The following TXNRD3 variants were observed in gnomAD, a reference collection of about 807,000 sequenced individuals.
TXNRD3 encodes thioredoxin reductase 3.
Under a neutral mutation model 78.2 loss-of-function variants are expected in TXNRD3, and 68 were observed. The ratio of observed to expected loss-of-function variants is 0.87; its 90% confidence interval spans 0.72 to 1.06. The LOEUF is 1.06. TXNRD3 is among the 50% of genes least tolerant of loss of function. The pLI is 0.00. For missense variants in TXNRD3, 751 were observed against 809.5 expected, an observed-to-expected ratio of 0.93 and a Z score of 0.88; for synonymous variants, 296 against 300.1, an observed-to-expected ratio of 0.99 and a Z score of 0.14.
chr3:126,620,054 G>T (rs779894818), intron 12 of TXNRD3, among the ~76,000 whole-genome samples: 3 of 152,136 alleles, frequency 2.0e-5, no homozygotes, highest in Non-Finnish European at 4.4e-5. Context: ...CCAGCACTTT[G>T]GGAGGCTGAG....
chr3:126,627,481 G>A (rs993511416), intron 10 of TXNRD3, among the ~76,000 whole-genome samples: 2 of 152,158 alleles, frequency 1.3e-5, no homozygotes, highest in African/African-American at 2.4e-5. Context: ...TTACATGAAC[G>A]TGGACATCTG....
rs1933477618 is a variant in TXNRD3, at chr3:126,654,902, A to ACGC, written c.86_88dup (p.Arg29_Val30insGly). 1.7e-5 allele frequency: 22 copies of ACGC among 1,311,914 alleles called. No individual in the cohort carries two copies. The highest frequency in any genetic ancestry group is 2.1e-5 in the Non-Finnish European group (22 of 1,039,122). 81.3% of individuals were successfully genotyped at this position (1,311,914 alleles called of 1,614,324 possible). A position where few individuals can be genotyped will look rare whatever the true frequency, so the allele number is the denominator to read the frequency against. ...GGCACGGCGCCCCGGCGGCGACAAC[A>ACGC]CGCGCGCCCCTCGGACATGGCCCGA... On this transcript the variant is annotated inframe_insertion, in exon 1 of 16. Coordinates refer to ENST00000524230, the MANE Select transcript of TXNRD3 (RefSeq NM_052883.3).
At chr3:126,620,379 C>T (rs952016275) in intron 12 of TXNRD3, among the ~76,000 whole-genome samples, 9 of 151,100 alleles carry the variant, frequency 6.0e-5, no homozygotes, top group African/African-American at 2.2e-4. Context: ...TTTTGTTGAA[C>T]TTCTCAGATA....
rs1272391271 is a variant in TXNRD3 at position 126,644,345 on chromosome 3, A to G, written c.471T>C (p.Tyr157=). 2.0e-6 allele frequency: 3 copies of G among 1,536,544 alleles called. No homozygotes were observed. Among genetic ancestry groups the G allele is most frequent in the Middle Eastern group, 1.7e-4 (1 of 5,994 alleles). ...AACCACCACCGATGATGATGAGATC[A>G]TAATCATATGCCAAATCTTCCTGAA... Residue 157 remains tyrosine, a synonymous_variant, in exon 4 of 16, where the codon TAT becomes TAC. Coordinates refer to ENST00000524230, the MANE Select transcript of TXNRD3 (RefSeq NM_052883.3).
In TXNRD3 at chr3:126,616,266, G is replaced by A. The variant is rs534766373; in HGVS notation, c.1525-804C>T. Among the ~76,000 whole-genome samples the A allele has an allele frequency of 2.6e-5, 4 of 152,266 alleles. No homozygotes were observed. In the East Asian group the frequency reaches 7.7e-4, roughly 29 times the overall value. ...AGCTGTGTGTAGGTGGCAGAGAAAA[G>A]GTGGAAGGTGCCTGCTCAGCCACAG... On this transcript the variant is annotated intron_variant, in intron 12 of 15. Transcript: ENST00000524230.
chr3:126,654,187 T>C (rs1272179739), intron 1 of TXNRD3, among the ~76,000 whole-genome samples: 1 of 152,202 alleles, frequency 6.6e-6, no homozygotes, highest in Non-Finnish European at 1.5e-5. Context: ...ACTTCAAATA[T>C]ATTTGAAAAA....
At chr3:126,621,600 AT>A in intron 12 of TXNRD3, 141 bp downstream of exon 12, 1 of 763,120 alleles carries the variant, frequency 1.3e-6, no homozygotes, top group Non-Finnish European at 2.0e-6. Context: ...ATTTTAATCC[AT>A]TAGTAAATAG....
rs1352614390 is a variant in TXNRD3, at chr3:126,629,478, A to G, written c.1198-7T>C. On this transcript the variant is annotated splice_polypyrimidine_tract_variant and splice_region_variant and intron_variant, in intron 9 of 15. Transcript: ENST00000524230. ...CTTTCTCCAACTGTTGAACCTAGTAAGAATGAAGAGTGTAATGATGTTATC... is the reference window on the plus strand; with the variant it reads ...CTTTCTCCAACTGTTGAACCTAGTAGGAATGAAGAGTGTAATGATGTTATC... The G allele has an allele frequency of 9.2e-6, 14 of 1,528,914 alleles. No homozygotes were observed. In the South Asian group the frequency reaches 1.4e-4, roughly 16 times the overall value. 94.7% of individuals were successfully genotyped at this position (1,528,914 alleles called of 1,614,324 possible).
chr3:126,642,923 G>A (rs1933129802), intron 5 of TXNRD3, among the ~76,000 whole-genome samples: 3 of 152,222 alleles, frequency 2.0e-5, no homozygotes, highest in Admixed American at 6.5e-5. Context: ...TTGGGTAACT[G>A]AAGGATTAAC....
At chr3:126,648,718 G>A (rs567976294) in intron 1 of TXNRD3, among the ~76,000 whole-genome samples, 1 of 152,322 alleles carries the variant, frequency 6.6e-6, no homozygotes, top group African/African-American at 2.4e-5. Flanking sequence ...AGACCCAAAT[G>A]TCAGAGCTAA....
rs1352720785 is a variant in TXNRD3, at chr3:126,622,326, T to C, written c.1367+138A>G. The C allele has an allele frequency of 1.9e-5, 11 of 578,920 alleles. No homozygotes were observed. The Admixed American group carries it at 2.2e-4, about 12-fold the overall frequency. The allele number at this position is 578,920 out of a possible 1,614,324, so 35.9% of individuals were successfully genotyped here. On this transcript the variant is annotated intron_variant, in intron 11 of 15. Transcript: ENST00000524230. ...TAAGAGTTACTGATTGATGAAGAAA[T>C]TGATTATAAAGAGCTGGCACTGAAC...
intron 1 of TXNRD3, among the ~76,000 whole-genome samples, chr3:126,649,450 T>C (rs1933321063): frequency 6.6e-6 from 1 of 152,184 alleles, no homozygotes; most frequent in Non-Finnish European, 1.5e-5. Context: ...CTCAAAAAAT[T>C]ACAAATAGAA....
rs10539573 is a variant in TXNRD3 at position 126,620,294 on chromosome 3, CAAA to C, written c.1524+1445_1524+1447del. Reference sequence around the variant, plus strand: ...TGGGCGGCAGAGCGAGACTCTGTCTCAAAAAAAAAAAAAAAAAAAAAATCACAC... The same window carrying C: ...TGGGCGGCAGAGCGAGACTCTGTCTCAAAAAAAAAAAAAAAAAAATCACAC... On this transcript the variant is annotated intron_variant, in intron 12 of 15. Coordinates refer to ENST00000524230, the MANE Select transcript of TXNRD3 (RefSeq NM_052883.3). Among the ~76,000 whole-genome samples, 96 of 99,496 alleles carry C rather than the reference CAAA, an allele frequency of 9.6e-4. 2 individuals carry two copies. Among genetic ancestry groups the C allele is most frequent in the East Asian group, 4.1e-3 (14 of 3,418 alleles). 65.3% of individuals were successfully genotyped at this position (99,496 alleles called of 152,430 possible).
chr3:126,646,388 T>C (rs1442462674), intron 2 of TXNRD3, among the ~76,000 whole-genome samples, 168 bp from the exon 3 acceptor site: 1 of 152,204 alleles, frequency 6.6e-6, no homozygotes, highest in Non-Finnish European at 1.5e-5. Context: ...ACATCCTTGC[T>C]TTCAAAGAAA....
rs1018093048 is a variant in TXNRD3, at chr3:126,622,486, T to A, written c.1345A>T (p.Ile449Phe). ...TACTTCTCATTAATTTTGACACCAA[T>A]CTTCTCCAAGCCTATTTTCCTTGTA... Residue 449 changes from isoleucine to phenylalanine, a missense_variant, in exon 11 of 16, where the codon ATT becomes TTT. Ile to Phe is a conservative substitution (Grantham distance 21). Transcript: ENST00000524230. The A allele has an allele frequency of 5.9e-6, 9 of 1,535,494 alleles. No individual in the cohort carries two copies. The African/African-American group carries it at 9.6e-5, about 16-fold the overall frequency.
Position 126,629,482 on chromosome 3 carries a change from T to C in TXNRD3, c.1198-11A>G, listed in dbSNP as rs1030621392. Reference sequence around the variant, plus strand: ...CTCCAACTGTTGAACCTAGTAAGAATGAAGAGTGTAATGATGTTATCTAAA... The same window carrying C: ...CTCCAACTGTTGAACCTAGTAAGAACGAAGAGTGTAATGATGTTATCTAAA... On this transcript the variant is annotated splice_polypyrimidine_tract_variant and intron_variant, in intron 9 of 15. Coordinates refer to ENST00000524230, the MANE Select transcript of TXNRD3 (RefSeq NM_052883.3). 1 of 1,525,544 alleles carries C rather than the reference T, an allele frequency of 6.6e-7. No individual in the cohort carries two copies. Among genetic ancestry groups the C allele is most frequent in the East Asian group, 2.5e-5 (1 of 40,784 alleles). 94.5% of individuals were successfully genotyped at this position (1,525,544 alleles called of 1,614,324 possible). A position where few individuals can be genotyped will look rare whatever the true frequency, so the allele number is the denominator to read the frequency against.
intron 3 of TXNRD3, 48 bp from the exon 4 acceptor site, chr3:126,644,449 A>G: frequency 7.4e-7 from 1 of 1,343,042 alleles, no homozygotes; most frequent in Admixed American, 2.1e-5. Flanking sequence ...TTAAAGTTTT[A>G]CAGCTATTTA....
chr3:126,653,505 T>A (rs531077882), intron 1 of TXNRD3, among the ~76,000 whole-genome samples: 1 of 152,350 alleles, frequency 6.6e-6, no homozygotes, highest in East Asian at 1.9e-4. Flanking sequence ...CAAACCATAA[T>A]GGAATGCCAT....
At chr3:126,622,040 T>G (rs1347937763) in intron 11 of TXNRD3, 142 bp from the exon 12 acceptor site, 2 of 641,816 alleles carry the variant, frequency 3.1e-6, no homozygotes, top group African/African-American at 1.9e-5. Flanking sequence ...ATATATAAGG[T>G]CAATGACTTA....
Sources: allele counts gnomAD v4.1 joint callset (sites outside exome capture counted in the v4.1 genomes callset), GRCh38; gene constraint gnomAD v4.1.1; transcripts MANE v1.5; gene names NCBI Gene and HGNC (gene_info 2026-07-23, HGNC 2026-07-21).